TREH: variants seen among roughly 807,000 people sequenced by gnomAD.
The protein encoded by TREH is trehalase, also known as alpha,alpha-trehalose glucohydrolase.
A neutral mutation model predicts 80.5 loss-of-function variants in TREH; 69 were observed. The observed-to-expected ratio is 0.86, with a 90% CI of 0.71 to 1.05. TREH has a LOEUF of 1.05. Among genes scored for constraint, TREH ranks in the 50% least tolerant of loss-of-function variants. The pLI is 0.00. For synonymous variants in TREH, 309 were observed against 293.5 expected (o/e 1.05, Z -0.54); for missense variants, 716 against 718.8 (o/e 1.00, Z 0.04).
Position 118,660,906 on chromosome 11 carries a change from G to A in TREH, c.867C>T (p.Ser289=). The change falls in exon 9 of 15, where the codon TCC becomes TCT. Residue 289 remains serine, a synonymous_variant. Coordinates refer to ENST00000264029, the MANE Select transcript of TREH (RefSeq NM_007180.3). ...CAGCCAACTCCACATCTTTGCTGTAGGACTCAGGCCTGGCAAAGAGGAGAG... is the reference window on the plus strand; with the variant it reads ...CAGCCAACTCCACATCTTTGCTGTAAGACTCAGGCCTGGCAAAGAGGAGAG... ...YVPYGGPRPE[S]YSKDVELADT... 2 of 1,572,158 alleles carry A rather than the reference G, an allele frequency of 1.3e-6. No individual in the cohort carries two copies. The highest frequency in any genetic ancestry group is 2.3e-5 in the East Asian group (1 of 42,644).
rs535480211 is a variant in TREH, at chr11:118,663,128, G to T, written c.259C>A (p.Gln87Lys). 31 of 1,613,988 alleles carry T rather than the reference G, an allele frequency of 1.9e-5. 1 individual carries two copies. In the South Asian group the frequency reaches 3.1e-4, roughly 16 times the overall value. Residue 87 changes from glutamine (Q) to lysine (K), a missense_variant, in exon 3 of 15, where the codon CAG (glutamine) becomes AAG (lysine). Coordinates refer to ENST00000264029, the MANE Select transcript of TREH (RefSeq NM_007180.3). Reference protein sequence around the residue: ...HNHSIPREQLQAFVHEHFQAK... With the variant: ...HNHSIPREQLKAFVHEHFQAK... ...TGGAAGTGTTCGTGGACAAACGCCT[G>T]CAGCTGCTCCCTGGGGATGCTGTGA...
At chr11:118,670,668 T>C (rs1394572778) in intron 1 of TREH, among the ~76,000 whole-genome samples, 8 of 152,194 alleles carry the variant, frequency 5.3e-5, no homozygotes, top group Non-Finnish European at 8.8e-5. Context: ...AGTCCCATTG[T>C]CATTAATAAT....
intron 1 of TREH, among the ~76,000 whole-genome samples, chr11:118,670,547 A>G (rs1314899642): frequency 6.6e-6 from 1 of 152,240 alleles, no homozygotes; most frequent in Non-Finnish European, 1.5e-5. Flanking sequence ...CAATTCCCCA[A>G]TACATGTGAC....
At chr11:118,660,764 C>G (rs1555144773) in intron 9 of TREH, 31 bp from the exon 10 acceptor site, 2 of 1,553,318 alleles carry the variant, frequency 1.3e-6, no homozygotes, top group Admixed American at 3.9e-5. Flanking sequence ...ACCAGCCAGT[C>G]CCGGCTGCAG....
chr11:118,660,131 T>C (rs1949302668), intron 10 of TREH, among the ~76,000 whole-genome samples, 167 bp from the exon 11 acceptor site: 1 of 152,198 alleles, frequency 6.6e-6, no homozygotes, highest in South Asian at 2.1e-4. Flanking sequence ...ATTTCTGGCC[T>C]ATGGCCCCGC....
chr11:118,676,034 T>C (rs1555146784), intron 1 of TREH, among the ~76,000 whole-genome samples: 1 of 152,232 alleles, frequency 6.6e-6, no homozygotes, highest in East Asian at 1.9e-4. Flanking sequence ...CCAGAGTTTT[T>C]ATTGGGGTTT....
intron 10 of TREH, 32 bp from the exon 11 acceptor site, chr11:118,659,996 C>T: frequency 6.5e-7 from 1 of 1,540,896 alleles, no homozygotes. Context: ...AGCCAGCAGC[C>T]AGTGCCCTGC....
At chr11:118,672,242 A>T (rs1555146372) in intron 1 of TREH, among the ~76,000 whole-genome samples, 1 of 151,826 alleles carries the variant, frequency 6.6e-6, no homozygotes, top group East Asian at 1.9e-4. Context: ...CAAAAAATAC[A>T]AAAAAATTAG....
chr11:118,659,601 A>G, intron 11 of TREH, 120 bp from the exon 12 acceptor site: 1 of 1,356,610 alleles, frequency 7.4e-7, no homozygotes, highest in Non-Finnish European at 1.0e-6. Context: ...CTCGGCTCAC[A>G]GCTGCCCCCC....
rs781801274 is a variant in TREH at position 118,661,679 on chromosome 11, G to T, written c.575C>A (p.Thr192Lys). Residue 192 changes from threonine to lysine, a missense_variant, in exon 6 of 15, where the codon ACG becomes AAG. Coordinates refer to ENST00000264029, the MANE Select transcript of TREH (RefSeq NM_007180.3). The surrounding 1 kb of genome is among the most constrained non-coding windows in gnomAD (Gnocchi z 4.2). ...GAAGTTCTGCAGCATGCCCTTCACC[G>T]TCTCAGCCATCTCTGAGAGGAGCAG... The part of the protein sequence containing the change: ...EGLLLSEMAE[T>K]VKGMLQNFLD... 1 of 1,613,958 alleles carries T rather than the reference G, an allele frequency of 6.2e-7. No individual in the cohort carries two copies. The highest frequency in any genetic ancestry group is 8.5e-7 in the Non-Finnish European group (1 of 1,179,890).
intron 1 of TREH, among the ~76,000 whole-genome samples, chr11:118,675,847 A>G (rs150726946): frequency 0.011 from 1,601 of 152,228 alleles, 26 homozygotes; most frequent in African/African-American, 0.035. Context: ...GATTACAGGC[A>G]TGCACCACCA....
chr11:118,666,357 G>A (rs1458312283), intron 1 of TREH, among the ~76,000 whole-genome samples: 1 of 152,158 alleles, frequency 6.6e-6, no homozygotes, highest in Non-Finnish European at 1.5e-5. Flanking sequence ...GGAGAGACTC[G>A]AAACAAGAGA....
At chr11:118,676,373 C>T (rs1222327389) in intron 1 of TREH, among the ~76,000 whole-genome samples, 2 of 152,108 alleles carry the variant, frequency 1.3e-5, no homozygotes, top group African/African-American at 4.8e-5. Context: ...TTCAGGAGGC[C>T]AAGGTGGGAG....
At chr11:118,677,836 A>G (rs531250793) in intron 1 of TREH, among the ~76,000 whole-genome samples, 1 of 152,326 alleles carries the variant, frequency 6.6e-6, no homozygotes, top group Admixed American at 6.5e-5. Flanking sequence ...CTTCCCCTAC[A>G]TTTGGCAAAC....
intron 9 of TREH, 31 bp from the exon 10 acceptor site, chr11:118,660,764 C>A: frequency 6.4e-7 from 1 of 1,553,318 alleles, no homozygotes; most frequent in South Asian, 1.2e-5. Context: ...ACCAGCCAGT[C>A]CCGGCTGCAG....
intron 12 of TREH, 126 bp from the exon 13 acceptor site, chr11:118,659,143 A>G: frequency 9.5e-7 from 1 of 1,057,002 alleles, no homozygotes; most frequent in Non-Finnish European, 1.4e-6. Context: ...CTGAGACCAC[A>G]GGCCAAACTG....
rs1389423237 is a variant in TREH, at chr11:118,659,449, G to GA, written c.1352dup (p.Thr453AspfsTer52). The GA allele has an allele frequency of 5.6e-6, 9 of 1,606,052 alleles. No individual in the cohort carries two copies. The Admixed American group carries it at 6.8e-5, about 12-fold the overall frequency. On this transcript the variant is annotated frameshift_variant, in exon 12 of 15. Transcript: ENST00000264029. LOFTEE classifies it high-confidence loss of function. ...GGCCTGTCTTCTGGAGAGAGGTCGGGATCCCATACTGGTAAGTCAGGATCC... is the reference window on the plus strand; with the variant it reads ...GGCCTGTCTTCTGGAGAGAGGTCGGGAATCCCATACTGGTAAGTCAGGATCC...
chr11:118,659,650 ATAGCCGGAGGAAGCGCCCTC>A (rs1949288454), intron 11 of TREH, 77 bp downstream of exon 11: 1 of 1,449,028 alleles, frequency 6.9e-7, no homozygotes, highest in Non-Finnish European at 9.4e-7. Context: ...GACAAGGGGC[ATAGCCGGAGGAAGCGCCCTC>A]CCCTGCAGGT....
chr11:118,665,356 C>T (rs1485963743), intron 1 of TREH, among the ~76,000 whole-genome samples: 2 of 152,006 alleles, frequency 1.3e-5, no homozygotes, highest in Non-Finnish European at 2.9e-5. Flanking sequence ...AAAACTGCAA[C>T]TGGCTGGGTG....
Sources: gnomAD v4.1 joint callset for allele counts (sites outside exome capture counted in the v4.1 genomes callset) on GRCh38, gnomAD v4.1.1 for gene constraint, Gnocchi (gnomAD v3.1) non-coding constraint, MANE v1.5 for transcripts, NCBI Gene and HGNC (gene_info 2026-07-23, HGNC 2026-07-21) for gene names.